Variants in CASP6 observed in about 807,000 individuals in gnomAD.
CASP6 encodes caspase-6.
CASP6 carries 20 observed loss-of-function variants against 31.8 expected under a neutral mutation model. The observed-to-expected ratio is 0.63, with a 90% confidence interval of 0.44 to 0.91. The LOEUF is 0.91. CASP6 is among the 40% of genes least tolerant of loss of function. CASP6 has a pLI of 0.00. For missense variants in CASP6, 328 were observed against 361.1 expected (o/e 0.91, Z 0.74); for synonymous variants, 130 against 127.8 (o/e 1.02, Z -0.12).
chr4:109,669,318 T>C, the CASP6 span, among the ~76,000 whole-genome samples: 1 of 152,184 alleles, frequency 6.6e-6, no homozygotes, highest in South Asian at 2.1e-4. Flanking sequence ...CTTTGTTTTT[T>C]TCTCGGAATG....
the CASP6 span, among the ~76,000 whole-genome samples, chr4:109,664,554 A>G: frequency 6.6e-6 from 1 of 151,972 alleles, no homozygotes; most frequent in Non-Finnish European, 1.5e-5. Flanking sequence ...CCTCCAGAGT[A>G]GCTGGGACTA....
chr4:109,692,799 A>G (rs1335694631), intron 5 of CASP6: 2 of 152,182 alleles, frequency 1.3e-5, no homozygotes, highest in African/African-American at 2.4e-5. Flanking sequence ...AGACATTCCA[A>G]TGCAGTTGTC....
At chr4:109,685,264 C>T (rs1000827606), downstream of CASP6, 6 of 1,412,034 alleles carry the variant, frequency 4.2e-6, no homozygotes, top group African/African-American at 5.7e-5. Flanking sequence ...TATACTTACT[C>T]AGCTGTTAAG....
At chr4:109,691,204 A>AT (rs1730045077) in intron 5 of CASP6, among the ~76,000 whole-genome samples, 195 bp from the exon 6 acceptor site, 1 of 152,224 alleles carries the variant, frequency 6.6e-6, no homozygotes, top group African/African-American at 2.4e-5. Context: ...GCTTTCTTTT[A>AT]GTTAATGTTT....
In CASP6 at chr4:109,697,746, T is replaced by C; in HGVS notation, c.106A>G (p.Lys36Glu). The part of the protein sequence containing the change: ...YKREMFDPAE[K>E]YKMDHRRRGI... ...CTCCTCCTGTGGTCCATTTTGTACT[T>C]TTCTGCCGGATCAAACATTTCTCTG... Residue 36 changes from lysine (K) to glutamate (E), a missense_variant, in exon 3 of 7, where the codon AAG becomes GAG. Lys to Glu is a moderately conservative substitution (Grantham distance 56). Transcript: ENST00000265164. The C allele has an allele frequency of 6.8e-6, 11 of 1,613,528 alleles. No individual in the cohort carries two copies. The highest frequency in any genetic ancestry group is 9.3e-6 in the Non-Finnish European group (11 of 1,179,790).
the CASP6 span, among the ~76,000 whole-genome samples, chr4:109,683,546 T>C: frequency 8.5e-5 from 13 of 152,228 alleles, no homozygotes; most frequent in African/African-American, 3.1e-4. Flanking sequence ...TCCACACTTA[T>C]GAATCATTTC....
At chr4:109,707,073 T>C (rs376426674), upstream of CASP6, among the ~76,000 whole-genome samples, 39 of 152,376 alleles carry the variant, frequency 2.6e-4, no homozygotes, top group African/African-American at 9.1e-4. Context: ...TAGCATCTTT[T>C]AGCAATATTT....
chr4:109,701,070 G>C (rs939179741), intron 1 of CASP6, among the ~76,000 whole-genome samples: 2 of 152,054 alleles, frequency 1.3e-5, no homozygotes, highest in Non-Finnish European at 2.9e-5. Context: ...CGATTCTCCC[G>C]CCTCAGCCTC....
At chr4:109,675,611 G>A in the CASP6 span, among the ~76,000 whole-genome samples, 4 of 152,176 alleles carry the variant, frequency 2.6e-5, no homozygotes, top group Non-Finnish European at 5.9e-5. Flanking sequence ...GAGCAGTGCT[G>A]TACTTTGAGT....
intron 1 of CASP6, 41 bp downstream of exon 1, chr4:109,703,315 A>C: frequency 6.3e-7 from 1 of 1,592,204 alleles, no homozygotes; most frequent in East Asian, 2.3e-5. Flanking sequence ...CCGGAGCAAG[A>C]CGCAGACCTG....
chr4:109,692,392 T>C (rs1431465442), intron 5 of CASP6: 1 of 151,822 alleles, frequency 6.6e-6, no homozygotes, highest in Non-Finnish European at 1.5e-5. Flanking sequence ...AACCACCCCA[T>C]GAGGCAGGTG....
the CASP6 span, among the ~76,000 whole-genome samples, chr4:109,682,201 TG>T: frequency 6.6e-6 from 1 of 152,230 alleles, no homozygotes; most frequent in Admixed American, 6.5e-5. Context: ...ACGAGGTCTT[TG>T]TAAAATTTGT....
downstream of CASP6, chr4:109,685,228 TTC>T (rs201871696): frequency 1.8e-5 from 17 of 931,786 alleles, no homozygotes; most frequent in Admixed American, 3.9e-5. Context: ...TGTTGTTTTC[TTC>T]TCTCTCTCTT....
the CASP6 span, among the ~76,000 whole-genome samples, chr4:109,708,615 C>G: frequency 6.6e-6 from 1 of 152,202 alleles, no homozygotes; most frequent in African/African-American, 2.4e-5. Flanking sequence ...TGAAAACATT[C>G]CCTCGACAAG....
chr4:109,691,906 C>A (rs1730068872), intron 5 of CASP6: 1 of 152,192 alleles, frequency 6.6e-6, no homozygotes, highest in Admixed American at 6.5e-5. Flanking sequence ...CAGAAGAAAC[C>A]AATCCTCCCC....
At chr4:109,697,023 T>C (rs375572729) in intron 3 of CASP6, among the ~76,000 whole-genome samples, 18 of 151,968 alleles carry the variant, frequency 1.2e-4, no homozygotes, top group East Asian at 1.2e-3. Context: ...CCTGACCTTA[T>C]GATCCACCCG....
chr4:109,668,159 G>A, the CASP6 span, among the ~76,000 whole-genome samples: 1 of 152,032 alleles, frequency 6.6e-6, no homozygotes, highest in East Asian at 1.9e-4. Flanking sequence ...GTTGATTGGT[G>A]GTGCTATTGA....
At chr4:109,678,442 G>A in the CASP6 span, among the ~76,000 whole-genome samples, 3 of 138,936 alleles carry the variant, frequency 2.2e-5, no homozygotes, top group Admixed American at 7.2e-5. Context: ...GATGATGGGC[G>A]GGCGGGCAGA....
chr4:109,703,381 C>G lies in CASP6; in HGVS notation c.15G>C (p.Ser5=), dbSNP rs144297817. The part of the protein sequence containing the change: MSSA[S]GLRRGHPAGG... Reference sequence around the variant, plus strand: ...CTGCCGGGTGCCCCCTGCGGAGCCCCGAGGCCGAGCTCATTGCAGCCAAAC... The same window carrying G: ...CTGCCGGGTGCCCCCTGCGGAGCCCGGAGGCCGAGCTCATTGCAGCCAAAC... Residue 5 remains serine, a synonymous_variant, in exon 1 of 7, where the codon TCG becomes TCC. Transcript: ENST00000265164. 8.1e-6 allele frequency: 13 copies of G among 1,611,628 alleles called. No homozygotes were observed. The highest frequency in any genetic ancestry group is 2.7e-5 in the African/African-American group (2 of 74,866).
Sources: gnomAD v4.1 joint callset for allele counts (sites outside exome capture counted in the v4.1 genomes callset) on GRCh38, gnomAD v4.1.1 for gene constraint, MANE v1.5 for transcripts, NCBI Gene and HGNC (gene_info 2026-07-23, HGNC 2026-07-21) for gene names.